Variants in ANKRD17 observed in about 807,000 individuals in gnomAD.
ANKRD17 encodes the protein ankyrin repeat domain-containing protein 17.
In ANKRD17, 19 loss-of-function variants were observed where a neutral mutation model predicts 229.7. The observed-to-expected ratio is 0.08, with a 90% CI of 0.06 to 0.12. The LOEUF is 0.12. Ranked by LOEUF, ANKRD17 falls within the 10% of genes least tolerant of loss-of-function variation. The pLI is 1.00. For missense variants in ANKRD17, 2,176 were observed against 3,176.8 expected (o/e 0.68, Z 7.57); for synonymous variants, 1,112 against 1,146.1 (o/e 0.97, Z 0.60).
chr4:73,113,079 C>A, intron 24 of ANKRD17: 1 of 1,175,488 alleles, frequency 8.5e-7, no homozygotes, highest in Non-Finnish European at 1.1e-6. Context: ...TGAGCTACTG[C>A]GCCCAGCCAC....
At chr4:73,092,505 G>A (rs916802204) in intron 28 of ANKRD17, among the ~76,000 whole-genome samples, 30 of 152,020 alleles carry the variant, frequency 2.0e-4, no homozygotes, top group Admixed American at 2.0e-3. Context: ...GCAATAAACT[G>A]TCCTGAATTA....
chr4:73,079,516 C>T (rs1455722792), intron 30 of ANKRD17, among the ~76,000 whole-genome samples: 1 of 152,112 alleles, frequency 6.6e-6, no homozygotes, highest in African/African-American at 2.4e-5. Context: ...CCCCAACCTC[C>T]TGAACAGCTG....
At chr4:73,248,195 G>T (rs1744673506) in intron 1 of ANKRD17, among the ~76,000 whole-genome samples, 1 of 151,612 alleles carries the variant, frequency 6.6e-6, no homozygotes, top group Non-Finnish European at 1.5e-5. Flanking sequence ...TAGTTGTCAA[G>T]GACACTCTAG....
chr4:73,224,706 C>T (rs1161762146), intron 1 of ANKRD17, among the ~76,000 whole-genome samples: 1 of 152,072 alleles, frequency 6.6e-6, no homozygotes, highest in East Asian at 1.9e-4. Flanking sequence ...AATCCTAAAA[C>T]ATATTATTAT....
At chr4:73,170,642 A>G (rs1733864627) in intron 2 of ANKRD17, among the ~76,000 whole-genome samples, 1 of 150,738 alleles carries the variant, frequency 6.6e-6, no homozygotes, top group South Asian at 2.1e-4. Flanking sequence ...GAGGGGGCCC[A>G]CTGTTCTGAA....
At chr4:73,120,819 C>T (rs1726635473) in intron 20 of ANKRD17, 62 bp downstream of exon 20, 3 of 1,409,110 alleles carry the variant, frequency 2.1e-6, no homozygotes, top group Non-Finnish European at 2.9e-6. Flanking sequence ...CAACATGTTG[C>T]TACTATATAT....
chr4:73,223,421 C>T (rs973620211), intron 1 of ANKRD17, among the ~76,000 whole-genome samples: 33 of 152,208 alleles, frequency 2.2e-4, no homozygotes, highest in African/African-American at 7.7e-4. Context: ...TTAGTAAAGC[C>T]TTGTAGTGAG....
chr4:73,258,141 A>G, intron 1 of ANKRD17, 135 bp downstream of exon 1: 1 of 1,469,976 alleles, frequency 6.8e-7, no homozygotes, highest in Admixed American at 2.1e-5. Context: ...CCGAGGGAAG[A>G]AAGGGGGCAG....
intron 13 of ANKRD17, 65 bp downstream of exon 13, chr4:73,142,177 C>CTGTAAGTG: frequency 6.9e-7 from 1 of 1,448,078 alleles, no homozygotes; most frequent in Non-Finnish European, 9.2e-7. Context: ...TAAACAGAAA[C>CTGTAAGTG]TGTAAGTGAA....
intron 16 of ANKRD17, among the ~76,000 whole-genome samples, chr4:73,127,082 G>A (rs1422900021): frequency 6.6e-6 from 1 of 152,014 alleles, no homozygotes; most frequent in Non-Finnish European, 1.5e-5. Context: ...TCTACTTTTC[G>A]ACTGCACATT....
intron 1 of ANKRD17, among the ~76,000 whole-genome samples, chr4:73,195,738 A>T (rs1217980320): frequency 6.6e-6 from 1 of 152,054 alleles, no homozygotes; most frequent in Non-Finnish European, 1.5e-5. Flanking sequence ...CAATCCCCTG[A>T]CCTCGTGATC....
At chr4:73,090,454 T>C (rs562135728) in intron 29 of ANKRD17, among the ~76,000 whole-genome samples, 11 of 152,226 alleles carry the variant, frequency 7.2e-5, no homozygotes, top group African/African-American at 2.4e-4. Context: ...AGAAGACTTA[T>C]TTATGGAAAA....
At position 73,258,323 on chromosome 4, in the gene ANKRD17, T is replaced by C; in HGVS notation, c.346A>G (p.Ser116Gly). The change falls in exon 1 of 34, where the codon AGC becomes GGC. Residue 116 changes from serine (S) to glycine (G), a missense_variant. Coordinates refer to ENST00000358602, the MANE Select transcript of ANKRD17 (RefSeq NM_032217.5). ...GGGGGTSSNN[S>G]EEEEDDDDEE... ...TCGTCGTCGTCCTCTTCTTCCTCGC[T>C]GTTGTTACTGCTGGTGCCGCCGCCG... 6.2e-7 allele frequency: 1 copy of C among 1,613,738 alleles called. No individual in the cohort carries two copies. The highest frequency in any genetic ancestry group is 1.1e-5 in the South Asian group (1 of 91,086).
intron 16 of ANKRD17, among the ~76,000 whole-genome samples, chr4:73,132,146 C>T (rs560867702): frequency 6.6e-6 from 1 of 150,820 alleles, no homozygotes; most frequent in East Asian, 2.0e-4. Context: ...CACTCTGTCG[C>T]CCAGGCTGGA....
At chr4:73,142,125 T>G in intron 13 of ANKRD17, 117 bp downstream of exon 13, 8 of 1,074,050 alleles carry the variant, frequency 7.4e-6, no homozygotes, top group Non-Finnish European at 1.0e-5. Flanking sequence ...AGTACATATT[T>G]ACAAACAGAA....
chr4:73,124,998 A>C lies in ANKRD17; in HGVS notation c.3407T>G (p.Leu1136Arg). The part of the protein sequence containing the change: ...AGHVGVVEIL[L>R]DNGADIEAQS... ...GGCTTCAATGTCTGCACCATTGTCC[A>C]GCAATATTTCCACAACACCAACATG... The change falls in exon 18 of 34, where the codon CTG becomes CGG. Residue 1136 changes from leucine (L) to arginine (R), a missense_variant. By Grantham distance (102) the Leu-to-Arg change is moderately radical. Transcript: ENST00000358602. The C allele has an allele frequency of 6.2e-7, 1 of 1,614,218 alleles. No homozygotes were observed. The highest frequency in any genetic ancestry group is 8.5e-7 in the Non-Finnish European group (1 of 1,180,046).
At chr4:73,110,901 A>G (rs1725235142) in intron 24 of ANKRD17, among the ~76,000 whole-genome samples, 1 of 152,224 alleles carries the variant, frequency 6.6e-6, no homozygotes, top group African/African-American at 2.4e-5. Flanking sequence ...AAAAATATAC[A>G]ACGATATTTA....
chr4:73,214,639 TA>T (rs148598531), intron 1 of ANKRD17, among the ~76,000 whole-genome samples: 43 of 145,862 alleles, frequency 2.9e-4, no homozygotes, highest in East Asian at 9.9e-4. Flanking sequence ...AATTTTGTAT[TA>T]AAAAAAAAAG....
intron 1 of ANKRD17, among the ~76,000 whole-genome samples, chr4:73,215,254 T>C (rs1740855678): frequency 2.7e-5 from 4 of 149,378 alleles, no homozygotes; most frequent in African/African-American, 7.6e-5. Flanking sequence ...CTGATGCTGT[T>C]AGAAAATGTG....
Sources: allele counts gnomAD v4.1 joint callset (sites outside exome capture counted in the v4.1 genomes callset), GRCh38; gene constraint gnomAD v4.1.1; transcripts MANE v1.5; gene names NCBI Gene and HGNC (gene_info 2026-07-23, HGNC 2026-07-21).